Variants in EFNA2 observed in about 807,000 individuals in gnomAD.
EFNA2 encodes ephrin A2, also known as ephrin-A2.
In EFNA2, 18 loss-of-function variants were observed where a neutral mutation model predicts 19.7. That is an observed-to-expected ratio of 0.91 (90% CI 0.63 to 1.35). The LOEUF (loss-of-function observed/expected upper bound fraction) is 1.35, where lower values mean the gene tolerates loss of function less well. Ranked by LOEUF, EFNA2 falls within the 40% of genes most tolerant of loss-of-function variation. The pLI, the probability that EFNA2 is intolerant of heterozygous loss-of-function variation, is 0.00. For missense variants in EFNA2, 303 were observed against 296.0 expected (o/e 1.02, Z -0.17); for synonymous variants, 187 against 137.8 (o/e 1.36, Z -2.50).
At chr19:1,288,897 C>T (rs778788935) in intron 1 of EFNA2, among the ~76,000 whole-genome samples, 4 of 152,224 alleles carry the variant, frequency 2.6e-5, no homozygotes, top group Admixed American at 1.3e-4. Flanking sequence ...AGTCTCTGGG[C>T]CTGTTCCCAG....
intron 2 of EFNA2, among the ~76,000 whole-genome samples, chr19:1,298,072 C>CAAAA (rs58897953): frequency 1.6e-4 from 8 of 49,840 alleles, no homozygotes; most frequent in Non-Finnish European, 2.7e-4. Context: ...AGCTCCATCA[C>CAAAA]AAAAAAAAAA....
Position 1,301,123 on chromosome 19 carries a change from AAAAAG to A in EFNA2, c.*1182_*1186del, listed in dbSNP as rs200052567. On this transcript the variant is annotated 3_prime_UTR_variant, in exon 4 of 4. Coordinates refer to ENST00000215368, the MANE Select transcript of EFNA2 (RefSeq NM_001405.4). ...GGGAGGGAACCACTACCAAAAAAAA[AAAAAG>A]AAACTCCTCCCCGAAGACACTTTAA... 0.062 allele frequency among the ~76,000 whole-genome samples: 9,349 copies of A among 150,976 alleles called. 371 individuals carry two copies. Among genetic ancestry groups the A allele is most frequent in the Middle Eastern group, 0.13 (37 of 290 alleles).
chr19:1,291,587 C>T (rs1365444816), intron 1 of EFNA2, among the ~76,000 whole-genome samples: 2 of 152,144 alleles, frequency 1.3e-5, no homozygotes, highest in Admixed American at 6.5e-5. Flanking sequence ...TCCCCGGGAG[C>T]TTCTCCACCC....
At position 1,294,480 on chromosome 19, in the gene EFNA2, C is replaced by T. The variant is rs2081505082; in HGVS notation, c.141-1065C>T. Among the ~76,000 whole-genome samples, 1 of 152,062 alleles carries T rather than the reference C, an allele frequency of 6.6e-6. No homozygotes were observed. Among genetic ancestry groups the T allele is most frequent in the African/African-American group, 2.4e-5 (1 of 41,400 alleles). On this transcript the variant is annotated intron_variant, in intron 1 of 3. Transcript: ENST00000215368. This position sits in a 1 kb window ranked among gnomAD's most constrained non-coding sequence, Gnocchi z 5.8. The stretch of plus-strand genomic sequence containing the variant: ...GCTGGGGGCTGAGGTGTCAGGAGTG[C>T]AGGCACCCAAGAGGGAGACCAGGAG...
Position 1,295,983 on chromosome 19 carries a change from C to A in EFNA2, c.454+125C>A, listed in dbSNP as rs1193113614. ...GGGCGGGGCAGCGCAGTGGGCGGGG[C>A]CGCGGTGTGGGGCCAGGGGGGAGTG... On this transcript the variant is annotated intron_variant, in intron 2 of 3. Transcript: ENST00000215368. The surrounding 1 kb of genome is among the most constrained non-coding windows in gnomAD (Gnocchi z 5.8). 2.6e-6 allele frequency: 2 copies of A among 757,454 alleles called. No individual in the cohort carries two copies. The highest frequency in any genetic ancestry group is 3.6e-6 in the Non-Finnish European group (2 of 562,404). 46.9% of individuals were successfully genotyped at this position (757,454 alleles called of 1,614,324 possible).
At chr19:1,288,348 G>A (rs1191620071) in intron 1 of EFNA2, among the ~76,000 whole-genome samples, 1 of 152,208 alleles carries the variant, frequency 6.6e-6, no homozygotes, top group East Asian at 1.9e-4. Flanking sequence ...GGGTGGTGCT[G>A]GGCCTCCGTA....
At position 1,295,397 on chromosome 19, in the gene EFNA2, T is replaced by C; in HGVS notation, c.141-148T>C. On this transcript the variant is annotated intron_variant, in intron 1 of 3. Transcript: ENST00000215368. The surrounding 1 kb of genome is among the most constrained non-coding windows in gnomAD (Gnocchi z 5.8). ...GTCCCCCCTGGCGCACCCTGACCCG[T>C]CCCCCGTGCTCCTGACCCCGGCCCT... is the stretch of plus-strand genomic sequence containing the variant. 1.3e-6 allele frequency: 1 copy of C among 744,664 alleles called. No homozygotes were observed. Among genetic ancestry groups the C allele is most frequent in the Non-Finnish European group, 2.1e-6 (1 of 487,746 alleles). The allele number at this position is 744,664 out of a possible 1,614,324, so 46.1% of individuals were successfully genotyped here. A position where few individuals can be genotyped will look rare whatever the true frequency, so the allele number is the denominator to read the frequency against.
chr19:1,300,160 C>T lies in EFNA2; in HGVS notation c.*215C>T. ...ACGGCCGAGAGCCCCCCCCCGGAGG[C>T]CCGAGGGGCCGGGGTGTGGATGCGG... On this transcript the variant is annotated 3_prime_UTR_variant, in exon 4 of 4. Coordinates refer to ENST00000215368, the MANE Select transcript of EFNA2 (RefSeq NM_001405.4). 1 of 563,100 alleles carries T rather than the reference C, an allele frequency of 1.8e-6. No homozygotes were observed. The highest frequency in any genetic ancestry group is 2.9e-6 in the Non-Finnish European group (1 of 350,234). The allele number at this position is 563,100 out of a possible 1,614,324, so 34.9% of individuals were successfully genotyped here.
intron 1 of EFNA2, among the ~76,000 whole-genome samples, chr19:1,289,200 G>A (rs2081480276): frequency 6.6e-6 from 1 of 152,028 alleles, no homozygotes; most frequent in Admixed American, 6.5e-5. Flanking sequence ...TGCATATGAG[G>A]TGCATGTGTG....
In EFNA2 at chr19:1,299,922, C is replaced by T. The variant is rs749507224; in HGVS notation, c.619C>T (p.Leu207Phe). ...CCTCTTCCTCAGCACCATCCCCGTG[C>T]TCTGGACCCTCCTGGGTTCCTAGTC... ...CRLFLSTIPV[L>F]WTLLGS is the part of the protein sequence containing the mutation. Residue 207 changes from leucine to phenylalanine, a missense_variant, in exon 4 of 4, where the codon CTC (leucine) becomes TTC (phenylalanine). By Grantham distance (22) the Leu-to-Phe change is conservative. Transcript: ENST00000215368. 3.7e-6 allele frequency: 6 copies of T among 1,603,698 alleles called. No individual in the cohort carries two copies. The highest frequency in any genetic ancestry group is 1.1e-5 in the South Asian group (1 of 90,620).
chr19:1,289,944 G>A (rs546170588), intron 1 of EFNA2, among the ~76,000 whole-genome samples: 75 of 152,312 alleles, frequency 4.9e-4, no homozygotes, highest in Admixed American at 2.0e-3. Context: ...TCGGCATTGG[G>A]GGCGCTAGGA....
At position 1,296,173 on chromosome 19, in the gene EFNA2, C is replaced by A. The variant is rs947644907; in HGVS notation, c.454+315C>A. ...CATCCCGGGAGGCCAGGACTTTCCT[C>A]GTCCTTCGTTGCATATGGGGAAACT... On this transcript the variant is annotated intron_variant, in intron 2 of 3. Transcript: ENST00000215368. The surrounding 1 kb of genome is among the most constrained non-coding windows in gnomAD (Gnocchi z 4.4). Among the ~76,000 whole-genome samples, 1 of 152,208 alleles carries A rather than the reference C, an allele frequency of 6.6e-6. No individual in the cohort carries two copies. Among genetic ancestry groups the A allele is most frequent in the African/African-American group, 2.4e-5 (1 of 41,448 alleles).
rs764825925 is a variant in EFNA2 at position 1,299,885 on chromosome 19, G to A, written c.582G>A (p.Pro194=). The change falls in exon 4 of 4, where the codon CCG becomes CCA. Residue 194 remains proline (P), a synonymous_variant. Coordinates refer to ENST00000215368, the MANE Select transcript of EFNA2 (RefSeq NM_001405.4). ...IFTSNNSCSS[P]GGCRLFLSTI... is the part of the protein sequence containing the mutation. ...CCAGCAATAACTCGTGTAGCAGCCC[G>A]GGCGGCTGCCGCCTCTTCCTCAGCA... 14 of 1,604,224 alleles carry A rather than the reference G, an allele frequency of 8.7e-6. No individual in the cohort carries two copies. The highest frequency in any genetic ancestry group is 3.3e-5 in the South Asian group (3 of 90,372).
In EFNA2 at chr19:1,295,027, C is replaced by T. The variant is rs1329238283; in HGVS notation, c.141-518C>T. Among the ~76,000 whole-genome samples, 1 of 152,122 alleles carries T rather than the reference C, an allele frequency of 6.6e-6. No individual in the cohort carries two copies. Among genetic ancestry groups the T allele is most frequent in the Non-Finnish European group, 1.5e-5 (1 of 68,002 alleles). On this transcript the variant is annotated intron_variant, in intron 1 of 3. Transcript: ENST00000215368. This position sits in a 1 kb window ranked among gnomAD's most constrained non-coding sequence, Gnocchi z 5.8. ...ACACAGGGGTCCAGATGTCACCCAC[C>T]TGGACACCCACCTCGCTGCTGGCCC...
intron 1 of EFNA2, among the ~76,000 whole-genome samples, chr19:1,291,634 G>A (rs1426044257): frequency 6.6e-6 from 1 of 152,206 alleles, no homozygotes; most frequent in Non-Finnish European, 1.5e-5. Context: ...GCGTCCACCT[G>A]CCCACCCACG....
chr19:1,298,171 C>G (rs1319577312), intron 2 of EFNA2, among the ~76,000 whole-genome samples: 1 of 151,368 alleles, frequency 6.6e-6, no homozygotes, highest in African/African-American at 2.4e-5. Flanking sequence ...CACAGGCTCT[C>G]AGAGGCAGAG....
upstream of EFNA2, among the ~76,000 whole-genome samples, chr19:1,284,987 C>T (rs1256787572): frequency 2.0e-5 from 3 of 152,232 alleles, no homozygotes; most frequent in Non-Finnish European, 4.4e-5. This position sits in a 1 kb window ranked among gnomAD's most constrained non-coding sequence, Gnocchi z 5.3. Flanking sequence ...GTGGCTCACG[C>T]CTGTAATCCT....
rs1299125724 is a variant in EFNA2, at chr19:1,298,570, T to C, written c.474T>C (p.Ala158=). ...YYYISATPPN[A]VDRPCLRLKV... The stretch of plus-strand genomic sequence containing the variant: ...TTCTAGCTGCCACGCCTCCCAATGC[T>C]GTGGACCGGCCCTGCCTGCGACTGA... Residue 158 remains alanine (A), a synonymous_variant, in exon 3 of 4, where the codon GCT becomes GCC. Coordinates refer to ENST00000215368, the MANE Select transcript of EFNA2 (RefSeq NM_001405.4). The C allele has an allele frequency of 6.8e-6, 11 of 1,613,888 alleles. No individual in the cohort carries two copies. The highest frequency in any genetic ancestry group is 2.2e-5 in the East Asian group (1 of 44,890).
In EFNA2 at chr19:1,295,865, G is replaced by T. The variant is rs1260442323; in HGVS notation, c.454+7G>T. 1 of 1,577,710 alleles carries T rather than the reference G, an allele frequency of 6.3e-7. No individual in the cohort carries two copies. Among genetic ancestry groups the T allele is most frequent in the Non-Finnish European group, 8.6e-7 (1 of 1,167,858 alleles). On this transcript the variant is annotated splice_region_variant and intron_variant, in intron 2 of 3. Transcript: ENST00000215368. This position sits in a 1 kb window ranked among gnomAD's most constrained non-coding sequence, Gnocchi z 5.8. ...CACGAGTATTACTACATCTGTGAGT[G>T]GGGTCGGGCCGGGGCTGCCGGGGCC...
Sources: allele counts gnomAD v4.1 joint callset (sites outside exome capture counted in the v4.1 genomes callset), GRCh38; gene constraint gnomAD v4.1.1; non-coding constraint Gnocchi (gnomAD v3.1); transcripts MANE v1.5; gene names NCBI Gene and HGNC (gene_info 2026-07-23, HGNC 2026-07-21).